THBS2: variants seen among roughly 807,000 people sequenced by gnomAD.
THBS2 encodes the protein thrombospondin-2.
A neutral mutation model predicts 135.2 loss-of-function variants in THBS2; 47 were observed. That is an observed-to-expected ratio of 0.35 (90% CI 0.28 to 0.44). The LOEUF (loss-of-function observed/expected upper bound fraction) is 0.44. THBS2 is among the 20% of genes least tolerant of loss of function. The pLI is 1.00. For synonymous variants in THBS2, 639 were observed against 633.8 expected (o/e 1.01, Z -0.12); for missense variants, 1,288 against 1,603.1 (o/e 0.80, Z 3.36).
intron 21 of THBS2, chr6:169,219,808 A>G (rs766604152): frequency 1.9e-6 from 1 of 523,826 alleles, no homozygotes; most frequent in South Asian, 1.4e-5. Context: ...CTGTAGCGAG[A>G]TAACTATAGA....
intron 9 of THBS2, among the ~76,000 whole-genome samples, 198 bp downstream of exon 9, chr6:169,236,972 C>T (rs1023504814): frequency 1.3e-5 from 2 of 152,258 alleles, no homozygotes; most frequent in African/African-American, 2.4e-5. Context: ...GCGCTGAGCA[C>T]AGGTGAGCAG....
Position 169,241,678 on chromosome 6 carries a change from G to T in THBS2, c.891+84C>A. 7.1e-7 allele frequency: 1 copy of T among 1,405,396 alleles called. No individual in the cohort carries two copies. The allele number at this position is 1,405,396 out of a possible 1,614,324, so 87.1% of individuals were successfully genotyped here. On this transcript the variant is annotated intron_variant, in intron 5 of 21. Transcript: ENST00000617924. This position sits in a 1 kb window ranked among gnomAD's most constrained non-coding sequence, Gnocchi z 5.5. ...TCGAGCATGAGGCACTGCCAAGCCA[G>T]GGAATGTTGATACCTGCTGAGATGG... is the stretch of plus-strand genomic sequence containing the variant.
At chr6:169,238,731 G>A (rs1279910173) in intron 7 of THBS2, among the ~76,000 whole-genome samples, 1 of 152,240 alleles carries the variant, frequency 6.6e-6, no homozygotes, top group East Asian at 1.9e-4. Context: ...GTGGCAGAGC[G>A]TGAGCTCTGA....
intron 16 of THBS2, 49 bp downstream of exon 16, chr6:169,226,131 G>C: frequency 2.0e-6 from 3 of 1,502,262 alleles, no homozygotes; most frequent in Non-Finnish European, 2.8e-6. Flanking sequence ...CCGTCCCCGC[G>C]TCCCTCTGAT....
At chr6:169,251,551 G>A (rs976401001) in intron 1 of THBS2, among the ~76,000 whole-genome samples, 10 of 152,106 alleles carry the variant, frequency 6.6e-5, no homozygotes, top group Admixed American at 4.6e-4. Context: ...CTCCTCTTCC[G>A]GGCGAGCATG....
chr6:169,253,382 C>T (rs1459320609), intron 1 of THBS2, among the ~76,000 whole-genome samples: 3 of 152,158 alleles, frequency 2.0e-5, no homozygotes, highest in African/African-American at 7.2e-5. Context: ...TCTTCTTCTT[C>T]GGAAACTGAA....
rs919653011 is a variant in THBS2 at position 169,216,084 on chromosome 6, C to G, written c.*1738G>C. ...AAAACCTGCACGCTGTTGACAGTCG[C>G]TACATTTAATGAAGTATCCCAACGC... On this transcript the variant is annotated 3_prime_UTR_variant, in exon 22 of 22. Coordinates refer to ENST00000617924, the MANE Select transcript of THBS2 (RefSeq NM_003247.5). 1 of 152,250 alleles carries G rather than the reference C, an allele frequency of 6.6e-6. No individual in the cohort carries two copies. The highest frequency in any genetic ancestry group is 1.5e-5 in the Non-Finnish European group (1 of 68,052). 9.4% of individuals were successfully genotyped at this position (152,250 alleles called of 1,614,324 possible). A position where few individuals can be genotyped will look rare whatever the true frequency, so the allele number is the denominator to read the frequency against.
rs367552895 is a variant in THBS2, at chr6:169,219,192, G to A, written c.3511+1006C>T. 4.8e-5 allele frequency among the ~76,000 whole-genome samples: 7 copies of A among 145,628 alleles called. No homozygotes were observed. In the East Asian group the frequency reaches 1.1e-3, roughly 23 times the overall value. On this transcript the variant is annotated intron_variant, in intron 21 of 21. Coordinates refer to ENST00000617924, the MANE Select transcript of THBS2 (RefSeq NM_003247.5). ...GTGAATGAAATGGTTGGGTGGATGT[G>A]TGGGTGGATGGATGGATGAAATGGA...
rs192872704 is a variant in THBS2 at position 169,242,388 on chromosome 6, C to T, written c.695-430G>A. 2.9e-3 allele frequency among the ~76,000 whole-genome samples: 444 copies of T among 152,170 alleles called. 4 individuals carry two copies. Among genetic ancestry groups the T allele is most frequent in the African/African-American group, 0.01 (425 of 41,498 alleles). ...AAATCTGCTTCTTGAACACATCCCC[C>T]ATATGTTCTGACGGCTCCTCTCGAC... On this transcript the variant is annotated intron_variant, in intron 4 of 21. Transcript: ENST00000617924.
rs1780299553 is a variant in THBS2 at position 169,241,583 on chromosome 6, A to G, written c.891+179T>C. ...AGATCTACCCAACTTCCCTCTAACA[A>G]TGCTGAATATTGAGCAAGGATCCTG... On this transcript the variant is annotated intron_variant, in intron 5 of 21. Transcript: ENST00000617924. The surrounding 1 kb of genome is among the most constrained non-coding windows in gnomAD (Gnocchi z 5.5). Among the ~76,000 whole-genome samples the G allele has an allele frequency of 6.6e-6, 1 of 151,978 alleles. No individual in the cohort carries two copies. The highest frequency in any genetic ancestry group is 2.4e-5 in the African/African-American group (1 of 41,362).
At chr6:169,223,165 T>C in intron 18 of THBS2, 83 bp downstream of exon 18, 6 of 1,303,674 alleles carry the variant, frequency 4.6e-6, no homozygotes, top group East Asian at 2.4e-5. Context: ...CCCACCTGCA[T>C]GATCTTAAAG....
rs1435423701 is a variant in THBS2, at chr6:169,217,226, ATTAG to A, written c.*592_*595del. 4 of 152,310 alleles carry A rather than the reference ATTAG, an allele frequency of 2.6e-5. No individual in the cohort carries two copies. Among genetic ancestry groups the A allele is most frequent in the Admixed American group, 6.5e-5 (1 of 15,288 alleles). The allele number at this position is 152,310 out of a possible 1,614,324, so 9.4% of individuals were successfully genotyped here. ...TTTTGTAACTGTTTTACATGTTCCGATTAGTTAATCGGTAGCTTATGTCATTTGC... is the reference window on the plus strand; with the variant it reads ...TTTTGTAACTGTTTTACATGTTCCGATTAATCGGTAGCTTATGTCATTTGC... On this transcript the variant is annotated 3_prime_UTR_variant, in exon 22 of 22. Transcript: ENST00000617924.
rs761139044 is a variant in THBS2 at position 169,226,256 on chromosome 6, G to A, written c.2462C>T (p.Thr821Ile). 2 of 1,614,088 alleles carry A rather than the reference G, an allele frequency of 1.2e-6. No individual in the cohort carries two copies. Among genetic ancestry groups the A allele is most frequent in the African/African-American group, 2.7e-5 (2 of 74,948 alleles). Residue 821 changes from threonine to isoleucine, a missense_variant, in exon 16 of 22, where the codon ACT (threonine) becomes ATT (isoleucine). Thr to Ile is a moderately conservative substitution (Grantham distance 89). This residue lies in a region of THBS2 where 874 missense variants were observed against 1,156.1 expected (regional missense o/e 0.76). Transcript: ENST00000617924. ...GTCACCATCCGTGTCCCTCTGGTCA[G>A]TGTTGTAGACGTAGGGACAATTGTC... ...ERDNCPYVYNTDQRDTDGDGV... is the reference protein window; with the variant it reads ...ERDNCPYVYNIDQRDTDGDGV...
Position 169,220,298 on chromosome 6 carries a change from T to C in THBS2, c.3411A>G (p.Ser1137=). 2.5e-6 allele frequency: 4 copies of C among 1,613,884 alleles called. No individual in the cohort carries two copies. The highest frequency in any genetic ancestry group is 3.4e-6 in the Non-Finnish European group (4 of 1,179,886). The part of the protein sequence containing the change: ...VHEGKQVMAD[S]GPIYDQTYAG... ...CGTAGGTTTGGTCATAGATAGGTCC[T>C]GAGTCTGCCATGACCTGTTTTCCTT... The change falls in exon 21 of 22, where the codon TCA becomes TCG. Residue 1137 remains serine (S), a synonymous_variant. Coordinates refer to ENST00000617924, the MANE Select transcript of THBS2 (RefSeq NM_003247.5).
At chr6:169,242,668 A>G (rs370509287) in intron 4 of THBS2, among the ~76,000 whole-genome samples, 128 of 10,348 alleles carry the variant, frequency 0.012, 11 homozygotes, top group African/African-American at 0.015. Flanking sequence ...CCTTCCCACC[A>G]CTCCCACCTT....
chr6:169,244,542 A>AT (rs1385346771), intron 4 of THBS2, among the ~76,000 whole-genome samples: 3 of 151,588 alleles, frequency 2.0e-5, no homozygotes, highest in South Asian at 2.1e-4. Context: ...GAATATTTGC[A>AT]TATATGTTTT....
At chr6:169,238,524 G>A (rs1014584384) in intron 7 of THBS2, among the ~76,000 whole-genome samples, 1 of 152,188 alleles carries the variant, frequency 6.6e-6, no homozygotes, top group East Asian at 1.9e-4. Flanking sequence ...TCTAATGTGG[G>A]CCCTTTGATT....
chr6:169,252,980 G>A lies in THBS2; in HGVS notation c.-23+744C>T, dbSNP rs552471479. On this transcript the variant is annotated intron_variant, in intron 1 of 21. Transcript: ENST00000617924. The surrounding 1 kb of genome is among the most constrained non-coding windows in gnomAD (Gnocchi z 4.3). The stretch of plus-strand genomic sequence containing the variant: ...TCCTGGGTGCTCAGCTCCCAGTCCT[G>A]GGCAGCCAAACCCACCTTCCTTAAG... 6.6e-6 allele frequency among the ~76,000 whole-genome samples: 1 copy of A among 152,234 alleles called. No individual in the cohort carries two copies. The highest frequency in any genetic ancestry group is 1.9e-4 in the East Asian group (1 of 5,178).
At chr6:169,236,088 C>CT (rs1780043617) in intron 9 of THBS2, among the ~76,000 whole-genome samples, 1 of 122,908 alleles carries the variant, frequency 8.1e-6, no homozygotes, top group Non-Finnish European at 1.7e-5. Flanking sequence ...CACACTCACT[C>CT]CCATCCACAC....
Sources: allele counts gnomAD v4.1 joint callset (sites outside exome capture counted in the v4.1 genomes callset), GRCh38; gene constraint gnomAD v4.1.1; regional missense constraint gnomAD v4.1.1; non-coding constraint Gnocchi (gnomAD v3.1); transcripts MANE v1.5; gene names NCBI Gene and HGNC (gene_info 2026-07-23, HGNC 2026-07-21).